The following FNIP1 variants were observed in gnomAD, a reference collection of about 807,000 sequenced individuals.
FNIP1 encodes the protein folliculin-interacting protein 1.
Under a neutral mutation model 124.5 loss-of-function variants are expected in FNIP1, and 40 were observed. The observed-to-expected ratio is 0.32, with a 90% CI of 0.25 to 0.42. The LOEUF (loss-of-function observed/expected upper bound fraction) is 0.42, where lower values mean the gene tolerates loss of function less well. Ranked by LOEUF, FNIP1 falls within the 10% of genes least tolerant of loss-of-function variation. The pLI is 1.00. For missense variants in FNIP1, 1,176 were observed against 1,403.7 expected (o/e 0.84, Z 2.59); for synonymous variants, 472 against 470.6 (o/e 1.00, Z -0.04).
In FNIP1 at chr5:131,642,256, G is replaced by C. The variant is rs138049748; in HGVS notation, c.*2429C>G. The C allele has an allele frequency of 6.6e-6, 1 of 152,604 alleles. No individual in the cohort carries two copies. The highest frequency in any genetic ancestry group is 1.5e-5 in the Non-Finnish European group (1 of 68,016). 9.5% of individuals were successfully genotyped at this position (152,604 alleles called of 1,614,324 possible). A position where few individuals can be genotyped will look rare whatever the true frequency, so the allele number is the denominator to read the frequency against. The stretch of plus-strand genomic sequence containing the variant: ...CAGCAGCTCATTCCTTGGGCTTTGC[G>C]TAAGGAAAGAATGACTATGGTGAAG... On this transcript the variant is annotated 3_prime_UTR_variant, in exon 18 of 18. Transcript: ENST00000510461.
Position 131,644,689 on chromosome 5 carries a change from A to T in FNIP1, c.3497T>A (p.Leu1166His). ...TTCTAACAATTTTTAGGTATATTAA[A>T]GGAGTATTTGTGCAACATATGGAGA... Reference protein sequence around the residue: ...THSPYVAQILL With the variant: ...THSPYVAQILH The change falls in exon 18 of 18, where the codon CTT (leucine) becomes CAT (histidine). Residue 1166 changes from leucine to histidine, a missense_variant. Coordinates refer to ENST00000510461, the MANE Select transcript of FNIP1 (RefSeq NM_133372.3). 6.2e-7 allele frequency: 1 copy of T among 1,613,550 alleles called. No individual in the cohort carries two copies. Among genetic ancestry groups the T allele is most frequent in the Non-Finnish European group, 8.5e-7 (1 of 1,179,644 alleles).
rs188683964 is a variant in FNIP1 at position 131,767,209 on chromosome 5, A to C, written c.93-22519T>G. On this transcript the variant is annotated intron_variant, in intron 1 of 17. Coordinates refer to ENST00000510461, the MANE Select transcript of FNIP1 (RefSeq NM_133372.3). ...AGCACTTTGGGAGGCCGAGGTGGGCAGATCACGAGGTCAAGAGATCAAGAC... is the reference window on the plus strand; with the variant it reads ...AGCACTTTGGGAGGCCGAGGTGGGCCGATCACGAGGTCAAGAGATCAAGAC... Among the ~76,000 whole-genome samples, 723 of 152,080 alleles carry C rather than the reference A, an allele frequency of 4.8e-3. 5 individuals are homozygous for C. Among genetic ancestry groups the C allele is most frequent in the African/African-American group, 0.017 (686 of 41,522 alleles).
At chr5:131,779,130 A>T (rs1408955282) in intron 1 of FNIP1, among the ~76,000 whole-genome samples, 1 of 149,980 alleles carries the variant, frequency 6.7e-6, no homozygotes. Context: ...CATGTACCCT[A>T]AAACTTAAAG....
rs201228133 is a variant in FNIP1, at chr5:131,679,117, T to G, written c.1261A>C (p.Met421Leu). 1 of 1,606,808 alleles carries G rather than the reference T, an allele frequency of 6.2e-7. No individual in the cohort carries two copies. The highest frequency in any genetic ancestry group is 8.5e-7 in the Non-Finnish European group (1 of 1,173,696). ...TTCTTTTCTGGAGTCCCCGACATCA[T>G]TGTAAGCCAGACAGGTTCTCCAATT... ...PRIGEPVWLT[M>L]MSGTPEKNHL... The change falls in exon 12 of 18, where the codon ATG becomes CTG. Residue 421 changes from methionine to leucine, a missense_variant. Around this residue, in one of 2 missense-constraint regions of FNIP1, gnomAD observed 1,109 missense variants for 1,288.5 expected, o/e 0.86. Coordinates refer to ENST00000510461, the MANE Select transcript of FNIP1 (RefSeq NM_133372.3).
At chr5:131,721,754 C>T (rs986375602) in intron 3 of FNIP1, among the ~76,000 whole-genome samples, 10 of 152,160 alleles carry the variant, frequency 6.6e-5, no homozygotes, top group Admixed American at 3.9e-4. Flanking sequence ...GTGGAGATCA[C>T]GCCATTGCAC....
chr5:131,679,147 G>C lies in FNIP1; in HGVS notation c.1231C>G (p.Pro411Ala). Residue 411 changes from proline to alanine, a missense_variant, in exon 12 of 18, where the codon CCA becomes GCA. This residue lies in a region of FNIP1 where 1,109 missense variants were observed against 1,288.5 expected (regional missense o/e 0.86). Coordinates refer to ENST00000510461, the MANE Select transcript of FNIP1 (RefSeq NM_133372.3). ...RTTICNLYTM[P>A]RIGEPVWLTM... is the part of the protein sequence containing the mutation. ...AGCCAGACAGGTTCTCCAATTCGTG[G>C]CATCGTGTAAAGATTACAAATTGTT... is the stretch of plus-strand genomic sequence containing the variant. 6.3e-7 allele frequency: 1 copy of C among 1,595,140 alleles called. No homozygotes were observed. Among genetic ancestry groups the C allele is most frequent in the Non-Finnish European group, 8.6e-7 (1 of 1,163,688 alleles).
intron 1 of FNIP1, among the ~76,000 whole-genome samples, chr5:131,753,109 T>A (rs974169581): frequency 3.3e-5 from 5 of 151,704 alleles, no homozygotes; most frequent in Non-Finnish European, 7.4e-5. Context: ...ACAAAAAAAA[T>A]GGCCACAAGC....
chr5:131,688,016 G>C (rs1019793747), intron 11 of FNIP1, among the ~76,000 whole-genome samples: 5 of 151,948 alleles, frequency 3.3e-5, no homozygotes, highest in Admixed American at 1.3e-4. Flanking sequence ...AGCCTTCCTC[G>C]CTGGCCTCTG....
intron 13 of FNIP1, among the ~76,000 whole-genome samples, chr5:131,673,758 G>A (rs1238117976): frequency 3.3e-5 from 5 of 152,116 alleles, no homozygotes; most frequent in South Asian, 2.1e-4. Context: ...CTCTGGGGCC[G>A]GGCACAGTGG....
chr5:131,656,161 C>G (rs1429297268), intron 15 of FNIP1, among the ~76,000 whole-genome samples: 1 of 152,138 alleles, frequency 6.6e-6, no homozygotes, highest in Non-Finnish European at 1.5e-5. Context: ...ACAGCAAACC[C>G]TGAATAACAT....
chr5:131,704,281 A>AT lies in FNIP1; in HGVS notation c.915-16dup. On this transcript the variant is annotated splice_polypyrimidine_tract_variant and intron_variant, in intron 9 of 17. Coordinates refer to ENST00000510461, the MANE Select transcript of FNIP1 (RefSeq NM_133372.3). ...CTTCTATAGACCTTAAAAATAAATG[A>AT]TTTTTTATTAATTTACAAAAGTAAA... The AT allele has an allele frequency of 6.5e-7, 1 of 1,530,676 alleles. No individual in the cohort carries two copies. Among genetic ancestry groups the AT allele is most frequent in the Non-Finnish European group, 8.8e-7 (1 of 1,134,294 alleles). The allele number at this position is 1,530,676 out of a possible 1,614,324, so 94.8% of individuals were successfully genotyped here.
rs1772636653 is a variant in FNIP1 at position 131,797,015 on chromosome 5, T to A, written c.-94A>T. On this transcript the variant is annotated 5_prime_UTR_variant, in exon 1 of 18. An upstream start codon of the reference 5' UTR is lost. Transcript: ENST00000510461. ...GCCACCCCCATGGGCGCCTCAGTCA[T>A]ATGACAGAAATTAGTCACTTCAAAC... 8.4e-7 allele frequency: 1 copy of A among 1,191,454 alleles called. No individual in the cohort carries two copies. Among genetic ancestry groups the A allele is most frequent in the Non-Finnish European group, 1.2e-6 (1 of 846,828 alleles). The allele number at this position is 1,191,454 out of a possible 1,614,324, so 73.8% of individuals were successfully genotyped here.
At chr5:131,795,657 A>C (rs1178954389) in intron 1 of FNIP1, 8 of 151,980 alleles carry the variant, frequency 5.3e-5, no homozygotes, top group Non-Finnish European at 1.0e-4. Flanking sequence ...ACGTAGAAAA[A>C]CCTCTTCAAT....
intron 1 of FNIP1, among the ~76,000 whole-genome samples, chr5:131,754,034 G>T (rs987128963): frequency 6.6e-6 from 1 of 152,184 alleles, no homozygotes; most frequent in African/African-American, 2.4e-5. Context: ...GGATGTTCTT[G>T]ATCTCTTGAC....
Position 131,644,543 on chromosome 5 carries a change from C to T in FNIP1, c.*142G>A. 1 of 640,632 alleles carries T rather than the reference C, an allele frequency of 1.6e-6. No individual in the cohort carries two copies. The highest frequency in any genetic ancestry group is 3.8e-4 in the Middle Eastern group (1 of 2,636). The allele number at this position is 640,632 out of a possible 1,614,324, so 39.7% of individuals were successfully genotyped here. On this transcript the variant is annotated 3_prime_UTR_variant, in exon 18 of 18. Transcript: ENST00000510461. ...AGCCATCTGACATACACAGAATATA[C>T]AATGCTATGCAGAATACCCTGGTGA... is the stretch of plus-strand genomic sequence containing the variant.
chr5:131,777,774 G>C (rs889323246), intron 1 of FNIP1, among the ~76,000 whole-genome samples: 1 of 152,054 alleles, frequency 6.6e-6, no homozygotes, highest in Non-Finnish European at 1.5e-5. Context: ...TTCTCAAAGT[G>C]TGGTCCCTAC....
At chr5:131,660,878 A>G (rs559566737) in intron 15 of FNIP1, among the ~76,000 whole-genome samples, 1 of 152,166 alleles carries the variant, frequency 6.6e-6, no homozygotes, top group Non-Finnish European at 1.5e-5. Flanking sequence ...CGCTGGCACT[A>G]TCTCTACCAG....
At chr5:131,705,539 G>A (rs1342808141) in intron 9 of FNIP1, among the ~76,000 whole-genome samples, 4 of 152,032 alleles carry the variant, frequency 2.6e-5, no homozygotes, top group Non-Finnish European at 5.9e-5. Context: ...TCCACAATGA[G>A]GAACCACTTC....
intron 11 of FNIP1, among the ~76,000 whole-genome samples, chr5:131,695,118 A>AATAC (rs1768646119): frequency 6.7e-6 from 1 of 148,732 alleles, no homozygotes; most frequent in African/African-American, 2.5e-5. Context: ...TAAATAAATA[A>AATAC]ATAAATAAAT....
Sources: gnomAD v4.1 joint callset for allele counts (sites outside exome capture counted in the v4.1 genomes callset) on GRCh38, gnomAD v4.1.1 for gene constraint, gnomAD v4.1.1 regional missense constraint, MANE v1.5 for transcripts, NCBI Gene and HGNC (gene_info 2026-07-23, HGNC 2026-07-21) for gene names.